The following TBC1D32 variants were observed in gnomAD, a reference collection of about 807,000 sequenced individuals.
TBC1D32 encodes the protein TBC1 domain family member 32, also known as protein broad-minded.
TBC1D32 carries 151 observed loss-of-function variants against 170.3 expected under a neutral mutation model. That is an observed-to-expected ratio of 0.89 (90% CI 0.78 to 1.01). The LOEUF is 1.01. Ranked by LOEUF, TBC1D32 falls within the 50% of genes least tolerant of loss-of-function variation. The pLI, the probability that TBC1D32 is intolerant of heterozygous loss-of-function variation, is 0.00. For synonymous variants in TBC1D32, 498 were observed against 488.0 expected (o/e 1.02, Z -0.27); for missense variants, 1,464 against 1,457.1 (o/e 1.00, Z -0.08).
At chr6:121,139,788 A>G (rs1480263766) in intron 24 of TBC1D32, 7 of 152,150 alleles carry the variant, frequency 4.6e-5, no homozygotes, top group Admixed American at 2.0e-4. Flanking sequence ...TGAACGCTGC[A>G]TAGCTCCAGA....
intron 30 of TBC1D32, among the ~76,000 whole-genome samples, chr6:121,100,008 A>T (rs1432255539): frequency 6.6e-6 from 1 of 151,770 alleles, no homozygotes; most frequent in African/African-American, 2.4e-5. Context: ...TTTAAATTAA[A>T]GAGTATATGG....
intron 25 of TBC1D32, 63 bp downstream of exon 25, chr6:121,131,564 C>G: frequency 2.0e-6 from 3 of 1,512,082 alleles, no homozygotes; most frequent in Non-Finnish European, 2.7e-6. Context: ...CTTTAAGAAC[C>G]ACAGATTCTA....
chr6:121,276,464 G>T (rs1271409117), intron 15 of TBC1D32, among the ~76,000 whole-genome samples: 2 of 151,982 alleles, frequency 1.3e-5, no homozygotes, highest in Non-Finnish European at 2.9e-5. Context: ...GAGATAAAAT[G>T]AAATCACATA....
intron 15 of TBC1D32, among the ~76,000 whole-genome samples, chr6:121,256,684 CT>C (rs986421223): frequency 3.8e-4 from 51 of 135,092 alleles, no homozygotes; most frequent in Admixed American, 1.0e-3. Flanking sequence ...TTTTTTTTTT[CT>C]TTTTTTTTTT....
intron 21 of TBC1D32, among the ~76,000 whole-genome samples, chr6:121,222,898 T>C (rs1208274385): frequency 6.6e-6 from 1 of 152,170 alleles, no homozygotes. Context: ...TATTCCTAAT[T>C]ATCCTAGCCA....
At chr6:121,094,861 T>C (rs138900393) in intron 30 of TBC1D32, among the ~76,000 whole-genome samples, 210 of 152,316 alleles carry the variant, frequency 1.4e-3, no homozygotes, top group African/African-American at 4.9e-3. Context: ...TATTTGTGGA[T>C]ACGTATTTTC....
chr6:121,145,568 G>A (rs753826834), intron 24 of TBC1D32, among the ~76,000 whole-genome samples: 2 of 152,048 alleles, frequency 1.3e-5, no homozygotes, highest in Non-Finnish European at 2.9e-5. Context: ...TATTAACAAT[G>A]TATTATATAT....
At chr6:121,150,214 T>C (rs555698197) in intron 24 of TBC1D32, among the ~76,000 whole-genome samples, 27 of 152,378 alleles carry the variant, frequency 1.8e-4, no homozygotes, top group Non-Finnish European at 3.5e-4. Flanking sequence ...TAAAAGTTTT[T>C]AGCATGAAGG....
At chr6:121,318,732 T>C (rs1049655500) in intron 2 of TBC1D32, among the ~76,000 whole-genome samples, 3 of 151,286 alleles carry the variant, frequency 2.0e-5, no homozygotes, top group African/African-American at 7.3e-5. Context: ...TGTGTATATA[T>C]ATATATACAC....
rs540086883 is a variant in TBC1D32, at chr6:121,264,649, C to T, written c.1734-8364G>A. Among the ~76,000 whole-genome samples, 7 of 152,266 alleles carry T rather than the reference C, an allele frequency of 4.6e-5. No individual in the cohort carries two copies. In the South Asian group the frequency reaches 1.4e-3, roughly 32 times the overall value. The stretch of plus-strand genomic sequence containing the variant: ...TCAGGCCAATATCCCTAATGAACAT[C>T]AGTGTGAAAATCCTCAACAAAATAC... On this transcript the variant is annotated intron_variant, in intron 15 of 31. Coordinates refer to ENST00000398212, the MANE Select transcript of TBC1D32 (RefSeq NM_152730.6).
At chr6:121,080,918 T>G (rs1775573963) in intron 31 of TBC1D32, 28 bp from the exon 32 acceptor site, 1 of 1,603,338 alleles carries the variant, frequency 6.2e-7, no homozygotes. Flanking sequence ...GGGAAAATTA[T>G]TTACTTGAGT....
Position 121,242,220 on chromosome 6 carries a change from C to T in TBC1D32, c.2138G>A (p.Arg713Gln), listed in dbSNP as rs1341972792. ...INECVTFIFNRYAKKLQVSRH... is the reference protein window; with the variant it reads ...INECVTFIFNQYAKKLQVSRH... Reference sequence around the variant, plus strand: ...TCATACCTGTAATTTTTTTGCATATCGATTGAATATAAATGTCACACATTC... The same window carrying T: ...TCATACCTGTAATTTTTTTGCATATTGATTGAATATAAATGTCACACATTC... The change falls in exon 18 of 32, where the codon CGA (arginine) becomes CAA (glutamine). Residue 713 changes from arginine to glutamine, a missense_variant. This residue lies in a region of TBC1D32 where 1,363 missense variants were observed against 1,338.1 expected (regional missense o/e 1.02). Transcript: ENST00000398212. 1 of 1,610,282 alleles carries T rather than the reference C, an allele frequency of 6.2e-7. No individual in the cohort carries two copies. Among genetic ancestry groups the T allele is most frequent in the Non-Finnish European group, 8.5e-7 (1 of 1,178,642 alleles).
intron 15 of TBC1D32, among the ~76,000 whole-genome samples, chr6:121,260,544 T>C (rs981384013): frequency 1.3e-5 from 2 of 152,094 alleles, no homozygotes; most frequent in Non-Finnish European, 2.9e-5. Context: ...CCACCTTAGA[T>C]CTACACAGGG....
intron 15 of TBC1D32, among the ~76,000 whole-genome samples, chr6:121,265,500 G>A (rs55792268): frequency 0.11 from 16,121 of 151,260 alleles, 1,599 homozygotes; most frequent in African/African-American, 0.26. Flanking sequence ...GTAAATCATA[G>A]ATTCAATGCT....
At chr6:121,247,092 A>T (rs1391898747) in intron 17 of TBC1D32, among the ~76,000 whole-genome samples, 1 of 152,108 alleles carries the variant, frequency 6.6e-6, no homozygotes, top group Non-Finnish European at 1.5e-5. Flanking sequence ...GGTAACCTGT[A>T]AAAGAAAACC....
intron 29 of TBC1D32, among the ~76,000 whole-genome samples, chr6:121,111,562 G>A (rs1562515911): frequency 6.6e-6 from 1 of 152,092 alleles, no homozygotes; most frequent in South Asian, 2.1e-4. Flanking sequence ...AGAAAAACTA[G>A]TGCATGCTTT....
At chr6:121,279,434 C>G (rs1802687160) in intron 14 of TBC1D32, among the ~76,000 whole-genome samples, 189 bp from the exon 15 acceptor site, 1 of 151,902 alleles carries the variant, frequency 6.6e-6, no homozygotes. Flanking sequence ...ATTCTTTTAC[C>G]AGCCCAACTG....
At chr6:121,112,353 T>A in intron 29 of TBC1D32, 152 bp downstream of exon 29, 1 of 611,374 alleles carries the variant, frequency 1.6e-6, no homozygotes. Context: ...CAAATCTATA[T>A]AATCAAAGAG....
At chr6:121,217,180 T>C (rs1369317862) in intron 21 of TBC1D32, among the ~76,000 whole-genome samples, 1 of 152,198 alleles carries the variant, frequency 6.6e-6, no homozygotes, top group Admixed American at 6.5e-5. Context: ...CAGATGTGGT[T>C]TCATTGCTTG....
Sources: allele counts gnomAD v4.1 joint callset (sites outside exome capture counted in the v4.1 genomes callset), GRCh38; gene constraint gnomAD v4.1.1; regional missense constraint gnomAD v4.1.1; transcripts MANE v1.5; gene names NCBI Gene and HGNC (gene_info 2026-07-23, HGNC 2026-07-21).